FOXP2: variants seen among roughly 807,000 people sequenced by gnomAD.
The protein encoded by FOXP2 is forkhead box protein P2.
In FOXP2, 12 loss-of-function variants were observed where a neutral mutation model predicts 115.8. That is an observed-to-expected ratio of 0.10 (90% CI 0.07 to 0.17). FOXP2 has a LOEUF of 0.17. FOXP2 is among the 10% of genes least tolerant of loss of function. The pLI is 1.00. For synonymous variants in FOXP2, 328 were observed against 297.7 expected (o/e 1.10, Z -1.05); for missense variants, 629 against 843.5 (o/e 0.75, Z 3.15).
intron 1 of FOXP2, among the ~76,000 whole-genome samples, chr7:114,097,015 GA>G (rs1432268648): frequency 3.3e-5 from 5 of 151,956 alleles, no homozygotes; most frequent in Non-Finnish European, 7.4e-5. Flanking sequence ...CTTTATTGTA[GA>G]AATTATGCTG....
intron 3 of FOXP2, among the ~76,000 whole-genome samples, chr7:114,611,999 C>G (rs886151583): frequency 3.9e-5 from 6 of 152,140 alleles, no homozygotes; most frequent in Admixed American, 3.3e-4. Context: ...TTATGGAAAA[C>G]TTTTAAGTAT....
At chr7:114,514,083 T>C (rs1262255231) in intron 2 of FOXP2, among the ~76,000 whole-genome samples, 4 of 100,040 alleles carry the variant, frequency 4.0e-5, no homozygotes, top group South Asian at 3.6e-4. Flanking sequence ...ACATTGTATC[T>C]TATACACACA....
intron 2 of FOXP2, chr7:114,463,009 T>C (rs1362072721): frequency 4.9e-6 from 2 of 410,810 alleles, no homozygotes; most frequent in Non-Finnish European, 9.6e-6. Flanking sequence ...AGTATATGCA[T>C]TGTTGTATTT....
chr7:114,477,019 T>C (rs935494570), intron 2 of FOXP2, among the ~76,000 whole-genome samples: 7 of 151,990 alleles, frequency 4.6e-5, no homozygotes, highest in Non-Finnish European at 7.4e-5. Context: ...GCTGGCAAGG[T>C]TGTGGAGAAA....
intron 3 of FOXP2, among the ~76,000 whole-genome samples, chr7:114,617,766 C>G (rs1337252806): frequency 6.6e-6 from 1 of 152,156 alleles, no homozygotes; most frequent in African/African-American, 2.4e-5. Context: ...GCACTCCAGC[C>G]TGGGCAACAG....
At chr7:114,531,728 A>G (rs567558283) in intron 2 of FOXP2, among the ~76,000 whole-genome samples, 3 of 152,014 alleles carry the variant, frequency 2.0e-5, no homozygotes. Flanking sequence ...GAGATAATGC[A>G]TATGAAAACC....
intron 2 of FOXP2, among the ~76,000 whole-genome samples, chr7:114,329,519 C>T (rs1229486142): frequency 3.6e-5 from 4 of 110,912 alleles, no homozygotes; most frequent in Admixed American, 9.6e-5. Context: ...AACTCCATCT[C>T]GGAAAAAAAA....
intron 2 of FOXP2, among the ~76,000 whole-genome samples, chr7:114,307,589 T>C (rs1323727705): frequency 6.6e-6 from 1 of 152,132 alleles, no homozygotes; most frequent in Non-Finnish European, 1.5e-5. Context: ...TTACCAAACT[T>C]TATTTGGATC....
chr7:114,571,937 T>G (rs1563007151), intron 3 of FOXP2, among the ~76,000 whole-genome samples: 2 of 151,768 alleles, frequency 1.3e-5, no homozygotes, highest in Admixed American at 1.3e-4. Flanking sequence ...AGAGTATTTC[T>G]AAATTGACTC....
At chr7:114,462,025 A>C (rs1333089730) in intron 2 of FOXP2, among the ~76,000 whole-genome samples, 1 of 152,082 alleles carries the variant, frequency 6.6e-6, no homozygotes, top group Admixed American at 6.5e-5. Context: ...TGACGCCTGT[A>C]ATCACAGCAT....
intron 1 of FOXP2, among the ~76,000 whole-genome samples, chr7:114,262,042 G>A (rs937006183): frequency 6.6e-6 from 1 of 152,006 alleles, no homozygotes; most frequent in African/African-American, 2.4e-5. Context: ...TGGGTGATAA[G>A]AGCGAGACTC....
intron 1 of FOXP2, among the ~76,000 whole-genome samples, chr7:114,259,163 A>G (rs994730645): frequency 6.6e-6 from 1 of 152,216 alleles, no homozygotes; most frequent in East Asian, 1.9e-4. Flanking sequence ...GATGAACAGT[A>G]GAAGTAGAAT....
chr7:114,402,666 CT>C (rs1222421582), intron 2 of FOXP2, among the ~76,000 whole-genome samples: 1 of 150,760 alleles, frequency 6.6e-6, no homozygotes, highest in African/African-American at 2.4e-5. Context: ...GTCACCCAAG[CT>C]GGAGGCTGGA....
chr7:114,672,271 C>T (rs1246181169), intron 16 of FOXP2, among the ~76,000 whole-genome samples: 2 of 152,056 alleles, frequency 1.3e-5, no homozygotes, highest in Admixed American at 6.6e-5. Flanking sequence ...GGACATGGTG[C>T]ACTAGATTTA....
chr7:114,438,161 A>C (rs1377903930), intron 2 of FOXP2, among the ~76,000 whole-genome samples: 1 of 152,174 alleles, frequency 6.6e-6, no homozygotes, highest in Non-Finnish European at 1.5e-5. Flanking sequence ...ATTAGTCTAC[A>C]ATCTAGAAGT....
chr7:114,645,096 TAA>T (rs1376548274), intron 8 of FOXP2: 9 of 162,466 alleles, frequency 5.5e-5, no homozygotes, highest in Non-Finnish European at 1.2e-4. Context: ...TCTTAAGTTT[TAA>T]GTTTCTAATT....
intron 2 of FOXP2, among the ~76,000 whole-genome samples, chr7:114,367,417 G>T (rs1265041666): frequency 6.6e-6 from 1 of 151,948 alleles, no homozygotes. Flanking sequence ...CCTCACCCAG[G>T]GATTGTCTAC....
intron 6 of FOXP2, among the ~76,000 whole-genome samples, chr7:114,632,845 A>G (rs963554006): frequency 6.6e-6 from 1 of 152,152 alleles, no homozygotes; most frequent in African/African-American, 2.4e-5. Flanking sequence ...TCTAAAGAAT[A>G]TTGGAATAAA....
At chr7:114,381,229 T>C (rs1254741577) in intron 2 of FOXP2, among the ~76,000 whole-genome samples, 2 of 152,202 alleles carry the variant, frequency 1.3e-5, no homozygotes, top group Non-Finnish European at 2.9e-5. Flanking sequence ...CTGAGGGCCC[T>C]GGTGCCTTTG....
Sources: gnomAD v4.1 joint callset for allele counts (sites outside exome capture counted in the v4.1 genomes callset) on GRCh38, gnomAD v4.1.1 for gene constraint, MANE v1.5 for transcripts, NCBI Gene and HGNC (gene_info 2026-07-23, HGNC 2026-07-21) for gene names.